Variants in ZDHHC14 observed in about 807,000 individuals in gnomAD.
ZDHHC14 encodes the protein zDHHC palmitoyltransferase 14.
ZDHHC14 carries 16 observed loss-of-function variants against 47.7 expected under a neutral mutation model. That is an observed-to-expected ratio of 0.34 (90% CI 0.23 to 0.51). ZDHHC14 has a LOEUF of 0.51. Ranked by LOEUF, ZDHHC14 falls within the 20% of genes least tolerant of loss-of-function variation. The pLI is 0.97. For missense variants in ZDHHC14, 515 were observed against 662.5 expected, an observed-to-expected ratio of 0.78 and a Z score of 2.44; for synonymous variants, 293 against 278.9, an observed-to-expected ratio of 1.05 and a Z score of -0.50.
chr6:157,594,334 G>T (rs1784032697), intron 3 of ZDHHC14, among the ~76,000 whole-genome samples: 1 of 152,140 alleles, frequency 6.6e-6, no homozygotes, highest in African/African-American at 2.4e-5. Flanking sequence ...CTCCCCAACA[G>T]AACAGTATGG....
At chr6:157,478,401 C>A (rs1779541793) in intron 1 of ZDHHC14, among the ~76,000 whole-genome samples, 1 of 152,200 alleles carries the variant, frequency 6.6e-6, no homozygotes, top group African/African-American at 2.4e-5. Flanking sequence ...TACTCTCTTA[C>A]CTTTTCCCAA....
chr6:157,499,371 G>T (rs142866780), intron 1 of ZDHHC14, among the ~76,000 whole-genome samples: 1 of 151,994 alleles, frequency 6.6e-6, no homozygotes, highest in Admixed American at 6.6e-5. Flanking sequence ...TTGTGTCCTC[G>T]TGTGGCTGAG....
At chr6:157,636,067 G>A (rs954541057) in intron 5 of ZDHHC14, among the ~76,000 whole-genome samples, 9 of 152,024 alleles carry the variant, frequency 5.9e-5, no homozygotes, top group African/African-American at 1.5e-4. Context: ...CCTGCTGACC[G>A]CATGCAGGTC....
intron 1 of ZDHHC14, among the ~76,000 whole-genome samples, chr6:157,536,791 C>T (rs1371124088): frequency 7.4e-6 from 1 of 134,530 alleles, no homozygotes; most frequent in Non-Finnish European, 1.5e-5. Context: ...GTCTGCCTGT[C>T]TGTCTGTCTA....
chr6:157,428,079 A>C (rs961933016), intron 1 of ZDHHC14, among the ~76,000 whole-genome samples: 3 of 152,152 alleles, frequency 2.0e-5, no homozygotes, highest in African/African-American at 4.8e-5. Flanking sequence ...TATCTTCAGC[A>C]CCTTATTCAA....
chr6:157,473,098 C>T (rs1316211448), intron 1 of ZDHHC14, among the ~76,000 whole-genome samples: 3 of 152,172 alleles, frequency 2.0e-5, no homozygotes, highest in Non-Finnish European at 2.9e-5. Context: ...TATATGTATG[C>T]ACTGTGGAAT....
At chr6:157,615,641 G>T (rs1338526417) in intron 3 of ZDHHC14, among the ~76,000 whole-genome samples, 1 of 152,216 alleles carries the variant, frequency 6.6e-6, no homozygotes, top group East Asian at 1.9e-4. Flanking sequence ...CCAAGTTCAA[G>T]TCCTCTGCCG....
intron 1 of ZDHHC14, among the ~76,000 whole-genome samples, chr6:157,468,566 C>T (rs1018633198): frequency 1.3e-5 from 2 of 152,220 alleles, no homozygotes; most frequent in African/African-American, 4.8e-5. Flanking sequence ...AGAAGCTCCC[C>T]TTAACACTGT....
intron 1 of ZDHHC14, among the ~76,000 whole-genome samples, chr6:157,528,347 G>T (rs936218203): frequency 6.6e-6 from 1 of 152,140 alleles, no homozygotes; most frequent in Admixed American, 6.5e-5. Flanking sequence ...GTAAAGAAAT[G>T]ATATGAAAGT....
At chr6:157,618,614 G>T (rs959749292) in intron 3 of ZDHHC14, among the ~76,000 whole-genome samples, 5 of 152,070 alleles carry the variant, frequency 3.3e-5, no homozygotes, top group African/African-American at 4.8e-5. Context: ...GAGCCCCCGC[G>T]CCCGGCCACA....
intron 2 of ZDHHC14, among the ~76,000 whole-genome samples, chr6:157,543,711 C>T (rs1781857193): frequency 6.6e-6 from 1 of 152,214 alleles, no homozygotes; most frequent in Non-Finnish European, 1.5e-5. Context: ...CTTCATCCTT[C>T]ATCCCTGCTG....
chr6:157,509,498 G>A (rs1583725126), intron 1 of ZDHHC14, among the ~76,000 whole-genome samples: 1 of 152,286 alleles, frequency 6.6e-6, no homozygotes, highest in African/African-American at 2.4e-5. Flanking sequence ...GCATAGAGAA[G>A]TGAAATGACT....
At chr6:157,470,067 G>A (rs1470281800) in intron 1 of ZDHHC14, among the ~76,000 whole-genome samples, 1 of 152,182 alleles carries the variant, frequency 6.6e-6, no homozygotes, top group South Asian at 2.1e-4. Context: ...TGGCACAGCA[G>A]TGTCCAGTAA....
At chr6:157,653,698 G>C (rs1003790435) in intron 8 of ZDHHC14, 71 bp downstream of exon 8, 1 of 1,501,632 alleles carries the variant, frequency 6.7e-7, no homozygotes, top group Non-Finnish European at 9.1e-7. Flanking sequence ...AGGCCACCAA[G>C]CAGCCTTCCT....
intron 3 of ZDHHC14, among the ~76,000 whole-genome samples, chr6:157,622,306 G>A (rs545111408): frequency 1.8e-4 from 28 of 151,624 alleles, no homozygotes; most frequent in Non-Finnish European, 3.4e-4. Flanking sequence ...AGGAGATATC[G>A]CTTGAACCCG....
At chr6:157,412,033 G>T (rs1427606678) in intron 1 of ZDHHC14, among the ~76,000 whole-genome samples, 1 of 151,394 alleles carries the variant, frequency 6.6e-6, no homozygotes, top group Admixed American at 6.6e-5. Context: ...CCACCTCCTG[G>T]GTTCAAGCAA....
At chr6:157,410,311 T>A (rs1183591017) in intron 1 of ZDHHC14, among the ~76,000 whole-genome samples, 13 of 152,034 alleles carry the variant, frequency 8.6e-5, no homozygotes, top group Admixed American at 8.5e-4. Context: ...CCACGGAAAG[T>A]GGAAAAAATA....
chr6:157,416,972 GTT>G (rs71027335), intron 1 of ZDHHC14, among the ~76,000 whole-genome samples: 55 of 45,544 alleles, frequency 1.2e-3, no homozygotes, highest in African/African-American at 5.5e-3. Flanking sequence ...TGCCTGGCTA[GTT>G]TTTTTTTTTT....
At chr6:157,632,149 G>A (rs9355834) in intron 4 of ZDHHC14, 61,839 of 152,602 alleles carry the variant, frequency 0.41, 13,368 homozygotes, top group East Asian at 0.85. Flanking sequence ...CACGAGGGCC[G>A]GATGATGTCC....
Sources: allele counts gnomAD v4.1 joint callset (sites outside exome capture counted in the v4.1 genomes callset), GRCh38; gene constraint gnomAD v4.1.1; transcripts MANE v1.5; gene names NCBI Gene and HGNC (gene_info 2026-07-23, HGNC 2026-07-21).